NRXN3: variants seen among roughly 807,000 people sequenced by gnomAD.
NRXN3 encodes neurexin 3.
Under a neutral mutation model 137.6 loss-of-function variants are expected in NRXN3, and 32 were observed. The ratio of observed to expected loss-of-function variants is 0.23; its 90% CI spans 0.18 to 0.31. The LOEUF (loss-of-function observed/expected upper bound fraction) is 0.31, where lower values mean the gene tolerates loss of function less well. Ranked by LOEUF, NRXN3 falls within the 10% of genes least tolerant of loss-of-function variation. The pLI is 1.00. For synonymous variants in NRXN3, 798 were observed against 784.5 expected (o/e 1.02, Z -0.29); for missense variants, 1,574 against 2,062.5 (o/e 0.76, Z 4.59).
At chr14:78,314,893 C>CTCTT (rs67628703) in intron 4 of NRXN3, among the ~76,000 whole-genome samples, 3,530 of 80,894 alleles carry the variant, frequency 0.044, 124 homozygotes, top group Admixed American at 0.062. Flanking sequence ...TTCTTTCTTT[C>CTCTT]TCTTTCTTTC....
chr14:78,644,055 C>T (rs889972550), intron 4 of NRXN3, among the ~76,000 whole-genome samples: 87 of 149,452 alleles, frequency 5.8e-4, no homozygotes, highest in African/African-American at 1.5e-3. Context: ...GCAGGAGAAT[C>T]GCTTGAACCC....
At chr14:79,812,925 A>G (rs925697400) in intron 20 of NRXN3, among the ~76,000 whole-genome samples, 13 of 152,248 alleles carry the variant, frequency 8.5e-5, no homozygotes, top group Admixed American at 4.6e-4. Context: ...TTAAAAGAGA[A>G]GTTTTTATGG....
At position 78,790,590 on chromosome 14, in the gene NRXN3, A is replaced by G. The variant is rs1413593459; in HGVS notation, c.2045-13030A>G. Reference sequence around the variant, plus strand: ...TTTAAGATCAGCCCAGTTTGGGTGGAGGGAAAGCAATCTGGGCATTTTAGA... The same window carrying G: ...TTTAAGATCAGCCCAGTTTGGGTGGGGGGAAAGCAATCTGGGCATTTTAGA... On this transcript the variant is annotated intron_variant, in intron 8 of 20. Coordinates refer to ENST00000335750, the MANE Select transcript of NRXN3 (RefSeq NM_001330195.2). Among the ~76,000 whole-genome samples, 3 of 152,190 alleles carry G rather than the reference A, an allele frequency of 2.0e-5. No individual in the cohort carries two copies. The East Asian group carries it at 5.8e-4, about 29-fold the overall frequency.
chr14:78,947,723 A>G (rs912275083), intron 10 of NRXN3, among the ~76,000 whole-genome samples: 2 of 152,128 alleles, frequency 1.3e-5, no homozygotes, highest in African/African-American at 2.4e-5. Context: ...GTAATTTACA[A>G]CCATGGTCCC....
chr14:79,176,251 G>A (rs1023915938), intron 15 of NRXN3, among the ~76,000 whole-genome samples: 1 of 152,170 alleles, frequency 6.6e-6, no homozygotes, highest in East Asian at 1.9e-4. Context: ...ATGCAAATCT[G>A]ATAATATTTT....
chr14:78,633,093 A>AT (rs1312062742), intron 4 of NRXN3, among the ~76,000 whole-genome samples: 5 of 143,092 alleles, frequency 3.5e-5, no homozygotes, highest in East Asian at 2.1e-4. Context: ...AAAATAAAAA[A>AT]TTAAAAAAAA....
At chr14:79,858,260 A>G (rs116397875) in intron 20 of NRXN3, among the ~76,000 whole-genome samples, 3,105 of 152,218 alleles carry the variant, frequency 0.02, 115 homozygotes, top group African/African-American at 0.072. Context: ...TGAAACAACA[A>G]GTACACTGTG....
Position 78,966,123 on chromosome 14 carries a change from A to G in NRXN3, c.2494A>G (p.Ile832Val). The change falls in exon 12 of 21, where the codon ATT (isoleucine) becomes GTT (valine). Residue 832 changes from isoleucine to valine, a missense_variant. Around this residue, in one of 5 missense-constraint regions of NRXN3, gnomAD observed 718 missense variants for 887.6 expected, o/e 0.81. Coordinates refer to ENST00000335750, the MANE Select transcript of NRXN3 (RefSeq NM_001330195.2). Reference protein sequence around the residue: ...RYISVVPSSFIGHLQSLMFNG... With the variant: ...RYISVVPSSFVGHLQSLMFNG... ...CATCTCCGTTGTCCCCTCCAGCTTT[A>G]TTGGCCATCTGCAGAGCCTCATGTT... The G allele has an allele frequency of 6.2e-7, 1 of 1,614,176 alleles. No individual in the cohort carries two copies. The highest frequency in any genetic ancestry group is 2.2e-5 in the East Asian group (1 of 44,874).
chr14:79,793,141 C>T (rs1278265770), intron 19 of NRXN3, among the ~76,000 whole-genome samples: 1 of 152,066 alleles, frequency 6.6e-6, no homozygotes, highest in South Asian at 2.1e-4. Flanking sequence ...CTAGTTTAGA[C>T]CCACAGTCGG....
At chr14:78,976,270 T>C (rs1458934469) in intron 14 of NRXN3, among the ~76,000 whole-genome samples, 1 of 152,204 alleles carries the variant, frequency 6.6e-6, no homozygotes, top group Admixed American at 6.5e-5. Context: ...TTATAACTTC[T>C]CTTAGCAGGT....
intron 4 of NRXN3, among the ~76,000 whole-genome samples, chr14:78,298,510 A>C (rs1201730272): frequency 1.3e-5 from 2 of 152,254 alleles, no homozygotes; most frequent in African/African-American, 2.4e-5. Flanking sequence ...AAAATATTCA[A>C]ATATGCAAGG....
intron 15 of NRXN3, among the ~76,000 whole-genome samples, chr14:79,393,921 A>G (rs2094936642): frequency 6.6e-6 from 1 of 152,248 alleles, no homozygotes; most frequent in Non-Finnish European, 1.5e-5. Context: ...TTTGTTAGTG[A>G]ATACATTGAC....
chr14:78,991,924 G>T (rs1347549227), intron 15 of NRXN3, among the ~76,000 whole-genome samples: 2 of 152,156 alleles, frequency 1.3e-5, no homozygotes, highest in Non-Finnish European at 2.9e-5. Context: ...TATTCTTTGT[G>T]TGACCCTGGT....
chr14:78,345,390 G>C (rs1049904493), intron 4 of NRXN3, among the ~76,000 whole-genome samples: 3 of 152,150 alleles, frequency 2.0e-5, no homozygotes, highest in African/African-American at 4.8e-5. Context: ...GTCCTACCAG[G>C]GAATGCTAAG....
intron 15 of NRXN3, among the ~76,000 whole-genome samples, chr14:79,078,074 A>G (rs923613340): frequency 4.6e-5 from 7 of 152,186 alleles, no homozygotes; most frequent in Non-Finnish European, 1.0e-4. Context: ...TAATGAGTCT[A>G]AAAGATTTTC....
At chr14:79,365,510 GA>G (rs2093846039) in intron 15 of NRXN3, among the ~76,000 whole-genome samples, 1 of 151,226 alleles carries the variant, frequency 6.6e-6, no homozygotes, top group African/African-American at 2.4e-5. Context: ...ATGAGGTCAG[GA>G]GATCGAGACC....
chr14:78,634,511 G>T (rs1042991818), intron 4 of NRXN3, among the ~76,000 whole-genome samples: 1 of 152,174 alleles, frequency 6.6e-6, no homozygotes, highest in African/African-American at 2.4e-5. Flanking sequence ...CGTTTTATTG[G>T]CAGCAGAGAT....
At chr14:79,815,235 C>T (rs1568342211) in intron 20 of NRXN3, among the ~76,000 whole-genome samples, 2 of 152,158 alleles carry the variant, frequency 1.3e-5, no homozygotes, top group African/African-American at 2.4e-5. Flanking sequence ...TGGATACGAA[C>T]AGCATGAAAA....
chr14:79,851,337 AG>A (rs748601310), intron 20 of NRXN3, among the ~76,000 whole-genome samples: 2 of 152,158 alleles, frequency 1.3e-5, no homozygotes, highest in Non-Finnish European at 2.9e-5. Context: ...AATGGCAACA[AG>A]GGTTTTTCTT....
Sources: gnomAD v4.1 joint callset for allele counts (sites outside exome capture counted in the v4.1 genomes callset) on GRCh38, gnomAD v4.1.1 for gene constraint, gnomAD v4.1.1 regional missense constraint, MANE v1.5 for transcripts, NCBI Gene and HGNC (gene_info 2026-07-23, HGNC 2026-07-21) for gene names.